CCDC171: variants seen among roughly 807,000 people sequenced by gnomAD.
CCDC171 encodes coiled-coil domain-containing protein 171.
In CCDC171, 177 loss-of-function variants were observed where a neutral mutation model predicts 168.2. That is an observed-to-expected ratio of 1.05 (90% CI 0.93 to 1.19). CCDC171 has a LOEUF of 1.19. Ranked by LOEUF, CCDC171 falls within the 50% of genes most tolerant of loss-of-function variation. The probability of loss-of-function intolerance (pLI) is 0.00; values close to 1 mark genes in which losing one functional copy is unlikely to be tolerated. For missense variants in CCDC171, 1,991 were observed against 1,539.0 expected (o/e 1.29, Z -4.91); for synonymous variants, 687 against 540.8 (o/e 1.27, Z -3.75).
At chr9:15,771,868 C>T (rs2057030948) in intron 18 of CCDC171, among the ~76,000 whole-genome samples, 1 of 152,160 alleles carries the variant, frequency 6.6e-6, no homozygotes, top group Middle Eastern at 3.2e-3. Context: ...GAGGCTGTCT[C>T]TGTTGCCCAG....
chr9:16,102,328 C>T, the CCDC171 span, among the ~76,000 whole-genome samples: 1 of 152,194 alleles, frequency 6.6e-6, no homozygotes, highest in South Asian at 2.1e-4. Context: ...CTCTCCTACA[C>T]ACCTTCCTTT....
At position 15,906,274 on chromosome 9, in the gene CCDC171, A is replaced by G. The variant is rs183957476; in HGVS notation, c.3601-13996A>G. On this transcript the variant is annotated intron_variant, in intron 24 of 25. Transcript: ENST00000380701. ...ATGAACATCGATGCAAAAATCCTCA[A>G]TAAAATACTGGCAAACCAAATCCAG... is the stretch of plus-strand genomic sequence containing the variant. 3.3e-5 allele frequency among the ~76,000 whole-genome samples: 5 copies of G among 152,356 alleles called. No individual in the cohort carries two copies. The East Asian group carries it at 5.8e-4, about 18-fold the overall frequency.
At chr9:15,991,958 G>C (rs895888571) in intron 3 of CCDC171, among the ~76,000 whole-genome samples, 1 of 152,156 alleles carries the variant, frequency 6.6e-6, no homozygotes, top group Non-Finnish European at 1.5e-5. Context: ...ACCAAAAAAA[G>C]TCCGGGATCA....
At chr9:16,089,461 A>G in the CCDC171 span, among the ~76,000 whole-genome samples, 7 of 151,552 alleles carry the variant, frequency 4.6e-5, no homozygotes, top group Non-Finnish European at 8.8e-5. Flanking sequence ...CCATGCCTAT[A>G]TCCTGAATAG....
At chr9:15,976,303 T>C (rs936353021), downstream of CCDC171, among the ~76,000 whole-genome samples, 2 of 152,182 alleles carry the variant, frequency 1.3e-5, no homozygotes, top group African/African-American at 2.4e-5. Flanking sequence ...TTCTTTTAAA[T>C]TATCCGTAAT....
At chr9:15,843,401 C>T (rs1440315333) in intron 21 of CCDC171, among the ~76,000 whole-genome samples, 1 of 151,976 alleles carries the variant, frequency 6.6e-6, no homozygotes, top group Non-Finnish European at 1.5e-5. Flanking sequence ...AACTTTCTAA[C>T]AGCTAAAATT....
chr9:15,769,731 G>A (rs527972353), intron 18 of CCDC171, among the ~76,000 whole-genome samples: 2 of 152,316 alleles, frequency 1.3e-5, no homozygotes, highest in African/African-American at 2.4e-5. Flanking sequence ...CAAGTGAAAG[G>A]ACAACTCTGC....
chr9:15,775,796 A>G (rs1409753835), intron 18 of CCDC171, among the ~76,000 whole-genome samples: 1 of 152,230 alleles, frequency 6.6e-6, no homozygotes, highest in African/African-American at 2.4e-5. Flanking sequence ...TCTTGTGTTC[A>G]GCATTGTTGC....
intron 10 of CCDC171, among the ~76,000 whole-genome samples, chr9:15,692,582 C>T (rs1452553599): frequency 6.7e-6 from 1 of 149,970 alleles, no homozygotes. Context: ...GGCTGGAGTG[C>T]AGTGGCGCGA....
chr9:15,912,670 G>C lies in CCDC171; in HGVS notation c.3601-7600G>C, dbSNP rs562410647. 2.0e-5 allele frequency among the ~76,000 whole-genome samples: 3 copies of C among 152,254 alleles called. No individual in the cohort carries two copies. The East Asian group carries it at 5.8e-4, about 29-fold the overall frequency. ...GCCCATTCAGTATGATATTGGCTGTGCGTTTGTCATAAATAGCTCTTATTA... is the reference window on the plus strand; with the variant it reads ...GCCCATTCAGTATGATATTGGCTGTCCGTTTGTCATAAATAGCTCTTATTA... On this transcript the variant is annotated intron_variant, in intron 24 of 25. Transcript: ENST00000380701.
At chr9:15,784,100 T>C (rs1377618084) in intron 20 of CCDC171, among the ~76,000 whole-genome samples, 2 of 152,146 alleles carry the variant, frequency 1.3e-5, no homozygotes, top group African/African-American at 4.8e-5. Context: ...TAGGAGAAGA[T>C]ATTTGACCGG....
the CCDC171 span, among the ~76,000 whole-genome samples, chr9:16,108,659 C>G: frequency 1.3e-5 from 2 of 152,186 alleles, no homozygotes; most frequent in African/African-American, 4.8e-5. Context: ...CCGAATAAAC[C>G]TCCATTCCAC....
At chr9:15,735,061 T>A (rs1481735707) in intron 16 of CCDC171, among the ~76,000 whole-genome samples, 4 of 152,220 alleles carry the variant, frequency 2.6e-5, no homozygotes. Context: ...GTAGTAGATG[T>A]TAGAAAAGTA....
intron 21 of CCDC171, among the ~76,000 whole-genome samples, chr9:15,791,322 A>G (rs1267026114): frequency 1.3e-5 from 2 of 151,978 alleles, no homozygotes; most frequent in African/African-American, 2.4e-5. Flanking sequence ...CATCCCTTGT[A>G]AGTTGGATTC....
chr9:15,649,412 C>G (rs960361484), intron 7 of CCDC171, among the ~76,000 whole-genome samples: 8 of 152,166 alleles, frequency 5.3e-5, no homozygotes, highest in Admixed American at 1.3e-4. Context: ...TCTAATTAAA[C>G]TAAAGAGCTC....
intron 10 of CCDC171, among the ~76,000 whole-genome samples, chr9:15,688,999 G>A (rs2050602274): frequency 6.6e-6 from 1 of 152,166 alleles, no homozygotes; most frequent in South Asian, 2.1e-4. Flanking sequence ...AGCTAATAAA[G>A]TAGTTTAGCA....
intron 9 of CCDC171, among the ~76,000 whole-genome samples, chr9:15,670,110 A>G (rs1314239264): frequency 1.3e-5 from 2 of 152,070 alleles, no homozygotes; most frequent in African/African-American, 4.8e-5. Context: ...CATCTCCTTA[A>G]CCTGCCCTAC....
intron 18 of CCDC171, among the ~76,000 whole-genome samples, chr9:15,777,152 T>G (rs1362706490): frequency 3.9e-5 from 6 of 152,210 alleles, no homozygotes. Context: ...AGAAGGATGA[T>G]TACCAAAATC....
At chr9:15,869,534 G>GT (rs1054946707) in intron 23 of CCDC171, among the ~76,000 whole-genome samples, 188 of 140,588 alleles carry the variant, frequency 1.3e-3, no homozygotes, top group East Asian at 5.2e-3. Flanking sequence ...GTTTGTTTTT[G>GT]TTTTTTTTGC....
Sources: allele counts gnomAD v4.1 joint callset (sites outside exome capture counted in the v4.1 genomes callset), GRCh38; gene constraint gnomAD v4.1.1; transcripts MANE v1.5; gene names NCBI Gene and HGNC (gene_info 2026-07-23, HGNC 2026-07-21).